Variants in SOX5 observed in about 807,000 individuals in gnomAD.
The protein encoded by SOX5 is transcription factor SOX-5.
A neutral mutation model predicts 92.0 loss-of-function variants in SOX5; 9 were observed. That is an observed-to-expected ratio of 0.10 (90% CI 0.06 to 0.17). The LOEUF is 0.17. Among genes scored for constraint, SOX5 ranks in the 10% least tolerant of loss-of-function variants. SOX5 has a pLI of 1.00. For synonymous variants in SOX5, 344 were observed against 336.3 expected (o/e 1.02, Z -0.25); for missense variants, 642 against 944.5 (o/e 0.68, Z 4.20).
At position 24,332,941 on chromosome 12, in the gene SOX5, T is replaced by C. The variant is rs1951490703; in HGVS notation, c.-174+35622A>G. Among the ~76,000 whole-genome samples the C allele has an allele frequency of 3.3e-5, 5 of 152,266 alleles. No homozygotes were observed. The South Asian group carries it at 1.0e-3, about 32-fold the overall frequency. ...CAGAGCCAAGATAGGAGCAGGAATC[T>C]GTTCATCCTGCAAAGTAACTAATCA... On this transcript the variant is annotated intron_variant, in intron 2 of 4. Transcript: ENST00000446891.
intron 1 of SOX5, among the ~76,000 whole-genome samples, chr12:24,372,491 C>T (rs1401820729): frequency 6.6e-6 from 1 of 152,186 alleles, no homozygotes; most frequent in Non-Finnish European, 1.5e-5. Context: ...ACATAGTATT[C>T]TATGGTGTCT....
At chr12:23,794,612 A>G (rs1006256521) in intron 3 of SOX5, among the ~76,000 whole-genome samples, 2 of 152,186 alleles carry the variant, frequency 1.3e-5, no homozygotes, top group Non-Finnish European at 2.9e-5. Flanking sequence ...CAAAAACAAA[A>G]ACGCAATGTT....
At chr12:23,659,674 A>C (rs1225917129) in intron 7 of SOX5, among the ~76,000 whole-genome samples, 1 of 152,210 alleles carries the variant, frequency 6.6e-6, no homozygotes, top group Non-Finnish European at 1.5e-5. Context: ...AAACAACAAC[A>C]GAAAAAGTTT....
chr12:24,062,515 C>T lies in SOX5; in HGVS notation c.-2+150828G>A, dbSNP rs137960071. 5.6e-3 allele frequency among the ~76,000 whole-genome samples: 848 copies of T among 152,228 alleles called. 9 individuals carry two copies. The highest frequency in any genetic ancestry group is 0.019 in the African/African-American group (790 of 41,526). ...TATATTACAGTGTCTTAAGCTCAAGCCAACTGAGACTCAGACCATTACTAT... is the reference window on the plus strand; with the variant it reads ...TATATTACAGTGTCTTAAGCTCAAGTCAACTGAGACTCAGACCATTACTAT... On this transcript the variant is annotated intron_variant, in intron 4 of 4. Coordinates refer to the SOX5 transcript ENST00000446891.
chr12:24,545,677 G>T (rs538457773), intron 1 of SOX5, among the ~76,000 whole-genome samples: 1 of 152,334 alleles, frequency 6.6e-6, no homozygotes, highest in Admixed American at 6.5e-5. Flanking sequence ...AAGGTTGTTT[G>T]TAGTGGATGC....
intron 3 of SOX5, among the ~76,000 whole-genome samples, chr12:24,246,429 C>T (rs1938740983): frequency 6.6e-6 from 1 of 151,998 alleles, no homozygotes; most frequent in South Asian, 2.1e-4. Context: ...GATTATCAAC[C>T]TAGCATCATA....
At chr12:24,036,929 ATC>A (rs1569514120) in intron 4 of SOX5, among the ~76,000 whole-genome samples, 1 of 152,138 alleles carries the variant, frequency 6.6e-6, no homozygotes, top group African/African-American at 2.4e-5. Context: ...TTCCATTCTT[ATC>A]TCTCTTAAAT....
rs11046977 is a variant in SOX5 at position 23,559,795 on chromosome 12, G to A, written c.1488+3463C>T. Among the ~76,000 whole-genome samples the A allele has an allele frequency of 5.9e-3, 894 of 152,176 alleles. 5 individuals carry two copies. Among genetic ancestry groups the A allele is most frequent in the African/African-American group, 0.013 (540 of 41,532 alleles). The stretch of plus-strand genomic sequence containing the variant: ...TCTTTTATGTTGATGTAAAGCACCC[G>A]GCTGAACTTCTTTTCTTTTTTTCCT... On this transcript the variant is annotated intron_variant, in intron 11 of 14. Transcript: ENST00000451604.
At chr12:23,649,078 T>C (rs181100250) in intron 7 of SOX5, among the ~76,000 whole-genome samples, 37 of 152,276 alleles carry the variant, frequency 2.4e-4, no homozygotes, top group African/African-American at 7.5e-4. Context: ...GGTTGAAGTA[T>C]GCTCCTGGTT....
chr12:24,524,644 G>A (rs778934082), intron 1 of SOX5, among the ~76,000 whole-genome samples: 1 of 152,012 alleles, frequency 6.6e-6, no homozygotes, highest in East Asian at 1.9e-4. Flanking sequence ...CTGTCAGGAC[G>A]GCTAGCATCA....
At chr12:23,933,760 G>A (rs1208955699) in intron 1 of SOX5, among the ~76,000 whole-genome samples, 1 of 151,506 alleles carries the variant, frequency 6.6e-6, no homozygotes, top group Non-Finnish European at 1.5e-5. Context: ...AGTGTTTCCT[G>A]AGGAAAATTC....
intron 1 of SOX5, among the ~76,000 whole-genome samples, chr12:24,505,169 T>G (rs1473941102): frequency 1.3e-5 from 2 of 152,244 alleles, no homozygotes; most frequent in African/African-American, 2.4e-5. Flanking sequence ...CATTTTTTTC[T>G]TTTAAGATTC....
chr12:23,767,098 T>C (rs2094756805), intron 3 of SOX5, among the ~76,000 whole-genome samples: 1 of 151,880 alleles, frequency 6.6e-6, no homozygotes, highest in South Asian at 2.1e-4. Context: ...TCTCTGCTAC[T>C]TGGGAGGCTG....
intron 14 of SOX5, among the ~76,000 whole-genome samples, 189 bp from the exon 15 acceptor site, chr12:23,534,711 T>C (rs558443604): frequency 2.0e-5 from 3 of 148,874 alleles, no homozygotes; most frequent in East Asian, 3.9e-4. Flanking sequence ...TTTCTTTTTT[T>C]TTTTTTTTTT....
intron 4 of SOX5, among the ~76,000 whole-genome samples, chr12:24,104,832 T>C (rs974227928): frequency 6.6e-6 from 1 of 152,196 alleles, no homozygotes; most frequent in South Asian, 2.1e-4. Flanking sequence ...TTATGTTCAA[T>C]TGTTTTATTC....
At chr12:23,941,833 C>G (rs886534548) in intron 1 of SOX5, among the ~76,000 whole-genome samples, 1 of 151,246 alleles carries the variant, frequency 6.6e-6, no homozygotes, top group African/African-American at 2.4e-5. Context: ...CAACATAGAC[C>G]TCTTAGAGTA....
At chr12:24,337,003 T>A (rs1281336648) in intron 2 of SOX5, among the ~76,000 whole-genome samples, 1 of 152,218 alleles carries the variant, frequency 6.6e-6, no homozygotes, top group Non-Finnish European at 1.5e-5. Flanking sequence ...AAGTTTAAGA[T>A]GCACGTGGAT....
rs1050783859 is a variant in SOX5, at chr12:23,805,660, T to C, written c.481+40323A>G. Among the ~76,000 whole-genome samples, 3 of 152,086 alleles carry C rather than the reference T, an allele frequency of 2.0e-5. No homozygotes were observed. The East Asian group carries it at 5.8e-4, about 29-fold the overall frequency. On this transcript the variant is annotated intron_variant, in intron 3 of 14. Coordinates refer to ENST00000451604, the MANE Select transcript of SOX5 (RefSeq NM_006940.6). Reference sequence around the variant, plus strand: ...AATCAGGATGGTCTATACAAATATATATGGCCAAACACAATATGTTAGAAA... The same window carrying C: ...AATCAGGATGGTCTATACAAATATACATGGCCAAACACAATATGTTAGAAA...
In SOX5 at chr12:23,901,551, A is replaced by G. The variant is rs1392201573; in HGVS notation, c.39-5527T>C. Among the ~76,000 whole-genome samples, 5 of 152,152 alleles carry G rather than the reference A, an allele frequency of 3.3e-5. No individual in the cohort carries two copies. In the East Asian group the frequency reaches 9.6e-4, roughly 29 times the overall value. On this transcript the variant is annotated intron_variant, in intron 1 of 14. Coordinates refer to ENST00000451604, the MANE Select transcript of SOX5 (RefSeq NM_006940.6). ...CTCTCTTCATTTAGTTTTCTGCTCA[A>G]ACGTTATTTCCTCAGTAAGGCTTTC... is the stretch of plus-strand genomic sequence containing the variant.
Sources: allele counts gnomAD v4.1 joint callset (sites outside exome capture counted in the v4.1 genomes callset), GRCh38; gene constraint gnomAD v4.1.1; transcripts MANE v1.5; gene names NCBI Gene and HGNC (gene_info 2026-07-23, HGNC 2026-07-21).